PIEZO2: variants seen among roughly 807,000 people sequenced by gnomAD.
PIEZO2 encodes piezo-type mechanosensitive ion channel component 2.
In PIEZO2, 172 loss-of-function variants were observed where a neutral mutation model predicts 337.3. The observed-to-expected ratio is 0.51, with a 90% CI of 0.45 to 0.58. The LOEUF is 0.58. PIEZO2 is among the 20% of genes least tolerant of loss of function. PIEZO2 has a pLI of 0.00. For missense variants in PIEZO2, 3,028 were observed against 3,391.3 expected, an observed-to-expected ratio of 0.89 and a Z score of 2.66; for synonymous variants, 1,251 against 1,228.5, an observed-to-expected ratio of 1.02 and a Z score of -0.38.
intron 1 of PIEZO2, among the ~76,000 whole-genome samples, chr18:11,093,401 A>C (rs754678965): frequency 6.6e-6 from 1 of 152,220 alleles, no homozygotes; most frequent in Non-Finnish European, 1.5e-5. Context: ...CATCTTTTTC[A>C]GACTCCATAT....
Position 10,837,913 on chromosome 18 carries a change from G to A in PIEZO2, c.917+17440C>T, listed in dbSNP as rs1251697760. On this transcript the variant is annotated intron_variant, in intron 7 of 55. Coordinates refer to ENST00000674853, the MANE Select transcript of PIEZO2 (RefSeq NM_001378183.1). The surrounding 1 kb of genome is among the most constrained non-coding windows in gnomAD (Gnocchi z 4.4). Reference sequence around the variant, plus strand: ...ATTACTGGTGCCTGCCACCATGCCCGGCTAATTTTTGTATTTTTAGTAGAG... The same window carrying A: ...ATTACTGGTGCCTGCCACCATGCCCAGCTAATTTTTGTATTTTTAGTAGAG... Among the ~76,000 whole-genome samples, 4 of 152,066 alleles carry A rather than the reference G, an allele frequency of 2.6e-5. No individual in the cohort carries two copies. The highest frequency in any genetic ancestry group is 6.8e-3 in the Middle Eastern group (2 of 294).
intron 1 of PIEZO2, among the ~76,000 whole-genome samples, chr18:11,106,262 A>ATTT (rs34892450): frequency 8.7e-6 from 1 of 114,716 alleles, no homozygotes; most frequent in Admixed American, 8.8e-5. Flanking sequence ...AATTTTTTGT[A>ATTT]TTTTTTTTTT....
chr18:10,979,972 A>G lies in PIEZO2; in HGVS notation c.161-312T>C, dbSNP rs2034602515. On this transcript the variant is annotated intron_variant, in intron 2 of 55. Transcript: ENST00000674853. This position sits in a 1 kb window ranked among gnomAD's most constrained non-coding sequence, Gnocchi z 4.0. ...AAACATTTTACAAGGAAGTGCTGCCAACTTTGAAGGGACAGATAACTCCTG... is the reference window on the plus strand; with the variant it reads ...AAACATTTTACAAGGAAGTGCTGCCGACTTTGAAGGGACAGATAACTCCTG... 6.6e-6 allele frequency among the ~76,000 whole-genome samples: 1 copy of G among 152,236 alleles called. No homozygotes were observed. Among genetic ancestry groups the G allele is most frequent in the Non-Finnish European group, 1.5e-5 (1 of 68,028 alleles).
chr18:11,062,438 A>AT (rs2037998254), intron 2 of PIEZO2, among the ~76,000 whole-genome samples: 1 of 152,252 alleles, frequency 6.6e-6, no homozygotes, highest in Admixed American at 6.5e-5. Flanking sequence ...GAGCCTCTGC[A>AT]CAGCAAAAGA....
chr18:10,919,988 A>G (rs1403700400), intron 3 of PIEZO2, among the ~76,000 whole-genome samples: 1 of 152,182 alleles, frequency 6.6e-6, no homozygotes, highest in African/African-American at 2.4e-5. Context: ...ATAGTGTTGT[A>G]TGTGTATGTC....
At chr18:10,704,370 A>G in intron 42 of PIEZO2, 24 bp downstream of exon 42, 1 of 1,535,704 alleles carries the variant, frequency 6.5e-7, no homozygotes, top group South Asian at 1.2e-5. Flanking sequence ...GAAGCCATCC[A>G]CAGGGGTCTG....
Position 10,682,762 on chromosome 18 carries a change from A to G in PIEZO2, c.7498-470T>C, listed in dbSNP as rs1191366221. ...AAAAACATGATTTTTAATTTAATTC[A>G]TGACACGTGTTGTTAAAGACAATGT... On this transcript the variant is annotated intron_variant, in intron 49 of 55. Coordinates refer to ENST00000674853, the MANE Select transcript of PIEZO2 (RefSeq NM_001378183.1). The surrounding 1 kb of genome is among the most constrained non-coding windows in gnomAD (Gnocchi z 5.6). Among the ~76,000 whole-genome samples the G allele has an allele frequency of 1.4e-5, 1 of 72,824 alleles. No homozygotes were observed. Among genetic ancestry groups the G allele is most frequent in the Admixed American group, 1.9e-4 (1 of 5,262 alleles). The allele number at this position is 72,824 out of a possible 152,430, so 47.8% of individuals were successfully genotyped here.
intron 4 of PIEZO2, among the ~76,000 whole-genome samples, chr18:10,891,015 C>T (rs2042739101): frequency 1.3e-5 from 2 of 152,032 alleles, no homozygotes; most frequent in Non-Finnish European, 2.9e-5. Context: ...TTTGAAATCA[C>T]GTGTTGTACC....
chr18:10,974,819 G>T lies in PIEZO2; in HGVS notation c.286+4716C>A, dbSNP rs150398592. Among the ~76,000 whole-genome samples, 741 of 152,340 alleles carry T rather than the reference G, an allele frequency of 4.9e-3. 5 individuals carry two copies. Among genetic ancestry groups the T allele is most frequent in the African/African-American group, 0.015 (635 of 41,580 alleles). Reference sequence around the variant, plus strand: ...CTACACAAAGGCATAGCCCTCCGTGGCAAGGTTTGGCCAGGAGACCAGCCT... The same window carrying T: ...CTACACAAAGGCATAGCCCTCCGTGTCAAGGTTTGGCCAGGAGACCAGCCT... On this transcript the variant is annotated intron_variant, in intron 3 of 55. Coordinates refer to ENST00000674853, the MANE Select transcript of PIEZO2 (RefSeq NM_001378183.1).
chr18:10,902,296 A>C (rs947786579), intron 4 of PIEZO2, among the ~76,000 whole-genome samples: 1 of 152,240 alleles, frequency 6.6e-6, no homozygotes, highest in Non-Finnish European at 1.5e-5. Flanking sequence ...GGAGGTCTCA[A>C]ATTGCAGAAT....
At chr18:11,117,955 C>T (rs2039934318) in intron 1 of PIEZO2, among the ~76,000 whole-genome samples, 1 of 152,214 alleles carries the variant, frequency 6.6e-6, no homozygotes, top group Admixed American at 6.5e-5. Flanking sequence ...TTGGCTTCTA[C>T]TCCTTTGACT....
At chr18:11,089,645 A>G (rs1157137022) in intron 1 of PIEZO2, among the ~76,000 whole-genome samples, 12 of 152,188 alleles carry the variant, frequency 7.9e-5, no homozygotes, top group African/African-American at 1.4e-4. Context: ...GGATTTTCCA[A>G]TTGAGCACAC....
At chr18:10,702,941 A>G (rs2035405533) in intron 42 of PIEZO2, among the ~76,000 whole-genome samples, 1 of 152,170 alleles carries the variant, frequency 6.6e-6, no homozygotes, top group South Asian at 2.1e-4. Flanking sequence ...CTGCAACCTC[A>G]AACTCCTGGG....
intron 1 of PIEZO2, among the ~76,000 whole-genome samples, chr18:11,121,391 C>T (rs547263407): frequency 6.6e-6 from 1 of 151,950 alleles, no homozygotes; most frequent in East Asian, 1.9e-4. Context: ...CCTGTCTCTA[C>T]AAAAAAATTA....
chr18:11,011,858 CAA>C (rs2035915368), intron 2 of PIEZO2, among the ~76,000 whole-genome samples: 1 of 152,178 alleles, frequency 6.6e-6, no homozygotes, highest in African/African-American at 2.4e-5. Context: ...GCTCACGCCT[CAA>C]ATTCCAGTAC....
chr18:10,832,196 A>T (rs1179937178), intron 7 of PIEZO2, among the ~76,000 whole-genome samples: 1 of 152,074 alleles, frequency 6.6e-6, no homozygotes, highest in Non-Finnish European at 1.5e-5. Flanking sequence ...CGCCGAGATC[A>T]TGCCACTGCA....
intron 1 of PIEZO2, among the ~76,000 whole-genome samples, chr18:11,117,760 A>AC (rs2039929622): frequency 6.6e-6 from 1 of 152,184 alleles, no homozygotes; most frequent in African/African-American, 2.4e-5. Context: ...TGTGAAATCA[A>AC]TGGGGCTCTT....
Position 10,697,781 on chromosome 18 carries a change from T to C in PIEZO2, c.6794A>G (p.His2265Arg), listed in dbSNP as rs369467955. The stretch of plus-strand genomic sequence containing the variant: ...GGTAAAGGCTTTTGCTTTGATTAAA[T>C]GTTCTTGAAGCTTTTCCATATAAAG... The part of the protein sequence containing the change: ...RELYMEKLQE[H>R]LIKAKAFTIK... Residue 2265 changes from histidine to arginine, a missense_variant, in exon 45 of 56, where the codon CAT (histidine) becomes CGT (arginine). Around this residue, in one of 5 missense-constraint regions of PIEZO2, gnomAD observed 1,925 missense variants for 2,051.9 expected, o/e 0.94. Coordinates refer to ENST00000674853, the MANE Select transcript of PIEZO2 (RefSeq NM_001378183.1). The C allele has an allele frequency of 5.5e-5, 88 of 1,614,096 alleles. No homozygotes were observed. The highest frequency in any genetic ancestry group is 6.5e-5 in the Non-Finnish European group (77 of 1,180,044).
rs2039108211 is a variant in PIEZO2 at position 11,092,049 on chromosome 18, G to A, written c.65-25827C>T. On this transcript the variant is annotated intron_variant, in intron 1 of 55. Transcript: ENST00000674853. The surrounding 1 kb of genome is among the most constrained non-coding windows in gnomAD (Gnocchi z 4.5). Reference sequence around the variant, plus strand: ...AGACTCTTTGGAGGGTGTGGCAAATGTGGTCTTTGATGCAAGGCTTAATTT... The same window carrying A: ...AGACTCTTTGGAGGGTGTGGCAAATATGGTCTTTGATGCAAGGCTTAATTT... Among the ~76,000 whole-genome samples, 2 of 152,220 alleles carry A rather than the reference G, an allele frequency of 1.3e-5. No homozygotes were observed. Among genetic ancestry groups the A allele is most frequent in the Admixed American group, 6.5e-5 (1 of 15,280 alleles).
Sources: gnomAD v4.1 joint callset for allele counts (sites outside exome capture counted in the v4.1 genomes callset) on GRCh38, gnomAD v4.1.1 for gene constraint, gnomAD v4.1.1 regional missense constraint, Gnocchi (gnomAD v3.1) non-coding constraint, MANE v1.5 for transcripts, NCBI Gene and HGNC (gene_info 2026-07-23, HGNC 2026-07-21) for gene names.